The following ADAMTS3 variants were observed in gnomAD, a reference collection of about 807,000 sequenced individuals.
ADAMTS3 encodes A disintegrin and metalloproteinase with thrombospondin motifs 3.
In ADAMTS3, 73 loss-of-function variants were observed where a neutral mutation model predicts 129.0. The ratio of observed to expected loss-of-function variants is 0.57; its 90% CI spans 0.47 to 0.69. The LOEUF (loss-of-function observed/expected upper bound fraction) is 0.69, where lower values mean the gene tolerates loss of function less well. Among genes scored for constraint, ADAMTS3 ranks in the 30% least tolerant of loss-of-function variants. ADAMTS3 has a pLI of 0.00. For missense variants in ADAMTS3, 1,457 were observed against 1,514.5 expected (o/e 0.96, Z 0.63); for synonymous variants, 477 against 510.8 (o/e 0.93, Z 0.89).
intron 13 of ADAMTS3, 97 bp from the exon 14 acceptor site, chr4:72,311,278 T>A: frequency 8.9e-7 from 1 of 1,121,904 alleles, no homozygotes; most frequent in Non-Finnish European, 1.2e-6. Context: ...TTCACTGTGA[T>A]TTCCTGAAAA....
intron 4 of ADAMTS3, among the ~76,000 whole-genome samples, chr4:72,367,579 A>G (rs1720899179): frequency 6.6e-6 from 1 of 152,180 alleles, no homozygotes. Context: ...TAAAATATAC[A>G]TTTTTAAAGA....
intron 4 of ADAMTS3, among the ~76,000 whole-genome samples, chr4:72,393,369 C>T (rs7686749): frequency 0.9 from 136,949 of 152,274 alleles, 62,192 homozygotes; most frequent in East Asian, 1. Flanking sequence ...ACTAAAATGC[C>T]CACTACTTCT....
chr4:72,340,945 T>G (rs1368471978), intron 4 of ADAMTS3, among the ~76,000 whole-genome samples: 2 of 152,188 alleles, frequency 1.3e-5, no homozygotes, highest in Non-Finnish European at 2.9e-5. Context: ...ACCGTATATG[T>G]AAAAACAAGT....
At chr4:72,550,081 GGAAGAAGAAGAAGAAGAAGAAGAA>G (rs1182642409) in intron 2 of ADAMTS3, among the ~76,000 whole-genome samples, 1 of 26,056 alleles carries the variant, frequency 3.8e-5, no homozygotes, top group Admixed American at 2.4e-4. Context: ...AAGAGGAAGA[GGAAGAAGAAGAAGAAGAAGAAGAA>G]GAAGAAGAAG....
chr4:72,489,492 C>G (rs1284289763), intron 3 of ADAMTS3, among the ~76,000 whole-genome samples: 1 of 151,914 alleles, frequency 6.6e-6, no homozygotes, highest in African/African-American at 2.4e-5. Flanking sequence ...TCTATACTAC[C>G]CACTTGTTAA....
chr4:72,419,068 C>T (rs939282842), intron 3 of ADAMTS3, among the ~76,000 whole-genome samples: 1 of 152,176 alleles, frequency 6.6e-6, no homozygotes, highest in African/African-American at 2.4e-5. Context: ...AATGTTATCT[C>T]CTTAAAATGA....
intron 3 of ADAMTS3, among the ~76,000 whole-genome samples, chr4:72,436,856 T>C (rs1411905336): frequency 7.1e-6 from 1 of 141,186 alleles, no homozygotes; most frequent in East Asian, 2.1e-4. Context: ...AGGACTGTTG[T>C]GGGGTGGGGG....
intron 4 of ADAMTS3, among the ~76,000 whole-genome samples, chr4:72,346,825 T>C (rs905865952): frequency 7.9e-5 from 12 of 152,056 alleles, no homozygotes; most frequent in African/African-American, 2.7e-4. Context: ...AGGCAGTACA[T>C]GCAGTTACAC....
intron 3 of ADAMTS3, among the ~76,000 whole-genome samples, chr4:72,448,936 G>C (rs934715138): frequency 1.3e-5 from 2 of 151,464 alleles, no homozygotes; most frequent in African/African-American, 4.8e-5. Flanking sequence ...ACCTAAGTTT[G>C]TATTAATAAT....
intron 3 of ADAMTS3, among the ~76,000 whole-genome samples, chr4:72,474,556 C>T (rs1719173573): frequency 6.6e-6 from 1 of 151,772 alleles, no homozygotes; most frequent in Non-Finnish European, 1.5e-5. Flanking sequence ...GCCTCAGAAA[C>T]CTGGAAACAA....
chr4:72,321,484 GCAACTTAACA>G (rs1719554649), intron 6 of ADAMTS3, among the ~76,000 whole-genome samples: 2 of 151,972 alleles, frequency 1.3e-5, no homozygotes, highest in African/African-American at 4.8e-5. Flanking sequence ...CTATTGTGAG[GCAACTTAACA>G]TTAATCATTT....
At chr4:72,526,911 A>C (rs1294033062) in intron 3 of ADAMTS3, among the ~76,000 whole-genome samples, 5 of 151,786 alleles carry the variant, frequency 3.3e-5, no homozygotes, top group African/African-American at 1.2e-4. Context: ...GAATGCAGGT[A>C]TCTGTGTCTT....
chr4:72,282,164 A>T lies in ADAMTS3; in HGVS notation c.*972T>A, dbSNP rs1718365091. The T allele has an allele frequency of 1.3e-5, 2 of 152,370 alleles. No homozygotes were observed. Among genetic ancestry groups the T allele is most frequent in the East Asian group, 3.9e-4 (2 of 5,190 alleles). The allele number at this position is 152,370 out of a possible 1,614,324, so 9.4% of individuals were successfully genotyped here. A position where few individuals can be genotyped will look rare whatever the true frequency, so the allele number is the denominator to read the frequency against. On this transcript the variant is annotated 3_prime_UTR_variant, in exon 22 of 22. Transcript: ENST00000286657. Reference sequence around the variant, plus strand: ...CTTTTTCCTTTGCGATTATTACAGTACATTGAGTATAACTGTTTGTATCTG... The same window carrying T: ...CTTTTTCCTTTGCGATTATTACAGTTCATTGAGTATAACTGTTTGTATCTG...
chr4:72,496,334 T>C (rs1271764603), intron 3 of ADAMTS3, among the ~76,000 whole-genome samples: 1 of 152,200 alleles, frequency 6.6e-6, no homozygotes, highest in Admixed American at 6.5e-5. Context: ...TCAAGTCAAG[T>C]GTTCATTTTA....
chr4:72,313,912 CT>C, intron 11 of ADAMTS3, 90 bp from the exon 12 acceptor site: 2 of 1,427,654 alleles, frequency 1.4e-6, no homozygotes, highest in Non-Finnish European at 9.7e-7. Context: ...GAAGGGCTTT[CT>C]TACTGCTCTT....
chr4:72,329,663 C>T (rs1219767120), intron 5 of ADAMTS3, among the ~76,000 whole-genome samples: 2 of 151,656 alleles, frequency 1.3e-5, no homozygotes, highest in African/African-American at 4.8e-5. Flanking sequence ...ACAGTCACTC[C>T]AAAAATCCCC....
At chr4:72,487,770 A>C (rs1246044143) in intron 3 of ADAMTS3, among the ~76,000 whole-genome samples, 1 of 152,110 alleles carries the variant, frequency 6.6e-6, no homozygotes, top group African/African-American at 2.4e-5. Flanking sequence ...TATACAATTA[A>C]TAAAGAGATG....
chr4:72,425,939 C>T (rs1314797158), intron 3 of ADAMTS3, among the ~76,000 whole-genome samples: 3 of 152,030 alleles, frequency 2.0e-5, no homozygotes, highest in Non-Finnish European at 4.4e-5. Flanking sequence ...AACTAGTTTA[C>T]AGTCCCATCA....
chr4:72,465,009 AC>A (rs1221984381), intron 3 of ADAMTS3, among the ~76,000 whole-genome samples: 2 of 152,138 alleles, frequency 1.3e-5, no homozygotes, highest in East Asian at 3.9e-4. Flanking sequence ...TGGTAACAAG[AC>A]AGAAATCTAA....
Sources: allele counts gnomAD v4.1 joint callset (sites outside exome capture counted in the v4.1 genomes callset), GRCh38; gene constraint gnomAD v4.1.1; transcripts MANE v1.5; gene names NCBI Gene and HGNC (gene_info 2026-07-23, HGNC 2026-07-21).